Variants in CAST observed in about 807,000 individuals in gnomAD.
CAST encodes MIR583 host.
CAST carries 76 observed loss-of-function variants against 119.6 expected under a neutral mutation model. The observed-to-expected ratio is 0.64, with a 90% confidence interval of 0.53 to 0.77. The LOEUF is 0.77. CAST is among the 30% of genes least tolerant of loss of function. CAST has a pLI of 0.00. For synonymous variants in CAST, 319 were observed against 331.6 expected, an observed-to-expected ratio of 0.96 and a Z score of 0.41; for missense variants, 953 against 946.5, an observed-to-expected ratio of 1.01 and a Z score of -0.09.
chr5:96,625,379 T>C (rs980451748), intron 1 of CAST, among the ~76,000 whole-genome samples: 4 of 152,160 alleles, frequency 2.6e-5, no homozygotes, highest in African/African-American at 9.7e-5. Flanking sequence ...AGACCAAAAT[T>C]GTGTCCAAAA....
chr5:96,537,245 C>G (rs960038704), intron 1 of CAST, among the ~76,000 whole-genome samples: 1 of 152,208 alleles, frequency 6.6e-6, no homozygotes, highest in African/African-American at 2.4e-5. Flanking sequence ...CCAAAAGCTA[C>G]TCTTACTCAC....
chr5:96,279,451 A>G, the CAST span, among the ~76,000 whole-genome samples: 7 of 152,314 alleles, frequency 4.6e-5, no homozygotes, highest in Admixed American at 3.3e-4. Context: ...ACTCCTTTCC[A>G]TGCCCAAGAA....
chr5:96,590,855 ATAT>A (rs1278900845), intron 1 of CAST, among the ~76,000 whole-genome samples: 3 of 152,254 alleles, frequency 2.0e-5, no homozygotes, highest in Admixed American at 6.5e-5. Flanking sequence ...ATTAAAAATA[ATAT>A]TAATAAATAT....
At chr5:96,125,090 G>A in the CAST span, among the ~76,000 whole-genome samples, 2 of 152,238 alleles carry the variant, frequency 1.3e-5, no homozygotes, top group East Asian at 1.9e-4. Context: ...TATGTATATC[G>A]TAACTGCCCA....
At chr5:96,039,024 C>T in the CAST span, among the ~76,000 whole-genome samples, 1 of 152,162 alleles carries the variant, frequency 6.6e-6, no homozygotes, top group African/African-American at 2.4e-5. Context: ...CACAACCTTT[C>T]CAGCATCTGT....
At chr5:96,585,876 T>G (rs1406237743) in intron 1 of CAST, among the ~76,000 whole-genome samples, 1 of 152,242 alleles carries the variant, frequency 6.6e-6, no homozygotes, top group Non-Finnish European at 1.5e-5. Context: ...CCAAGGATTG[T>G]ATTATTAACA....
chr5:96,588,196 C>CTTTCTTTTT (rs1746892822), intron 1 of CAST, among the ~76,000 whole-genome samples: 3 of 75,828 alleles, frequency 4.0e-5, no homozygotes, highest in African/African-American at 1.9e-4. Context: ...TTCTTTCTTT[C>CTTTCTTTTT]TTTTTTTTTT....
chr5:96,588,940 A>T (rs1459677944), intron 1 of CAST, among the ~76,000 whole-genome samples: 5 of 152,226 alleles, frequency 3.3e-5, no homozygotes, highest in Non-Finnish European at 5.9e-5. Context: ...CATTCATAAT[A>T]TATTTTATTC....
At chr5:96,168,218 G>A in the CAST span, among the ~76,000 whole-genome samples, 10 of 152,188 alleles carry the variant, frequency 6.6e-5, no homozygotes, top group African/African-American at 9.6e-5. Context: ...AAGTTGGAAC[G>A]CTAGCTGCTT....
chr5:96,335,508 GCTGGGGTTACCTAC>G, the CAST span, among the ~76,000 whole-genome samples: 1 of 152,102 alleles, frequency 6.6e-6, no homozygotes, highest in South Asian at 2.1e-4. Flanking sequence ...CCACCCACAT[GCTGGGGTTACCTAC>G]CTTTCTGTTT....
At chr5:96,243,800 C>A in the CAST span, among the ~76,000 whole-genome samples, 3 of 152,078 alleles carry the variant, frequency 2.0e-5, no homozygotes, top group African/African-American at 4.8e-5. Context: ...AAAACTACCC[C>A]GACCTCTCCC....
At chr5:96,324,448 A>G in the CAST span, among the ~76,000 whole-genome samples, 74 of 152,308 alleles carry the variant, frequency 4.9e-4, no homozygotes, top group Middle Eastern at 3.4e-3. Context: ...ATGTCCTTTA[A>G]CAATTCTCCC....
At chr5:96,615,435 C>T (rs1383806287) in intron 1 of CAST, among the ~76,000 whole-genome samples, 1 of 152,244 alleles carries the variant, frequency 6.6e-6, no homozygotes, top group African/African-American at 2.4e-5. Flanking sequence ...TGCTGCTGCA[C>T]AGGGCTGTCT....
the CAST span, among the ~76,000 whole-genome samples, chr5:96,018,290 T>C: frequency 6.6e-6 from 1 of 152,136 alleles, no homozygotes; most frequent in Non-Finnish European, 1.5e-5. Flanking sequence ...ATACAAACTA[T>C]CAGAAGAACA....
At chr5:96,586,869 C>T (rs6882602) in intron 1 of CAST, among the ~76,000 whole-genome samples, 2,860 of 152,166 alleles carry the variant, frequency 0.019, 86 homozygotes, top group African/African-American at 0.057. Context: ...TCTGTTAAGC[C>T]CTCTATGTAT....
At chr5:96,753,049 AATGGC>A (rs1765488741) in intron 20 of CAST, among the ~76,000 whole-genome samples, 1 of 151,086 alleles carries the variant, frequency 6.6e-6, no homozygotes, top group Non-Finnish European at 1.5e-5. Context: ...GTTGGACTGC[AATGGC>A]ATGATCTCGG....
chr5:96,486,411 G>C, the CAST span, among the ~76,000 whole-genome samples: 2 of 152,130 alleles, frequency 1.3e-5, no homozygotes, highest in Non-Finnish European at 2.9e-5. Flanking sequence ...ACTCCAGACA[G>C]AGACACACCA....
chr5:96,168,467 C>T, the CAST span, among the ~76,000 whole-genome samples: 4 of 152,096 alleles, frequency 2.6e-5, no homozygotes, highest in East Asian at 1.9e-4. Flanking sequence ...TAAATATTGA[C>T]GCGTAATTCC....
At chr5:96,139,671 T>G in the CAST span, among the ~76,000 whole-genome samples, 1 of 151,824 alleles carries the variant, frequency 6.6e-6, no homozygotes. Flanking sequence ...TTGTGGCATA[T>G]CTGGGGAACA....
Sources: gnomAD v4.1 joint callset for allele counts (sites outside exome capture counted in the v4.1 genomes callset) on GRCh38, gnomAD v4.1.1 for gene constraint, MANE v1.5 for transcripts, NCBI Gene and HGNC (gene_info 2026-07-23, HGNC 2026-07-21) for gene names.